Variants in METTL24 observed in about 807,000 individuals in gnomAD.
METTL24 encodes methyltransferase like 24, also known as probable methyltransferase-like protein 24.
A neutral mutation model predicts 32.7 loss-of-function variants in METTL24; 29 were observed. That is an observed-to-expected ratio of 0.89 (90% confidence interval 0.66 to 1.21). The LOEUF (loss-of-function observed/expected upper bound fraction) is 1.21, where lower values mean the gene tolerates loss of function less well. Among genes scored for constraint, METTL24 ranks in the 50% most tolerant of loss-of-function variants. The pLI is 0.00. For missense variants in METTL24, 439 were observed against 468.1 expected, an observed-to-expected ratio of 0.94 and a Z score of 0.57; for synonymous variants, 163 against 179.5, an observed-to-expected ratio of 0.91 and a Z score of 0.73.
At chr6:110,258,834 CAAAA>C (rs944172010) in intron 4 of METTL24, among the ~76,000 whole-genome samples, 2 of 149,530 alleles carry the variant, frequency 1.3e-5, no homozygotes, top group Non-Finnish European at 3.0e-5. Context: ...CAAAACAAAA[CAAAA>C]GAAAACAAAA....
chr6:110,333,158 A>C lies in METTL24; in HGVS notation c.319-10286T>G, dbSNP rs559680339. Among the ~76,000 whole-genome samples the C allele has an allele frequency of 2.0e-5, 3 of 152,294 alleles. No homozygotes were observed. The South Asian group carries it at 6.2e-4, about 32-fold the overall frequency. Reference sequence around the variant, plus strand: ...ACCAATCTGCTATGTTCATCGACTTACTTCAGTCAGTTACCCTTCCCCCAA... The same window carrying C: ...ACCAATCTGCTATGTTCATCGACTTCCTTCAGTCAGTTACCCTTCCCCCAA... On this transcript the variant is annotated intron_variant, in intron 1 of 4. Coordinates refer to ENST00000338882, the MANE Select transcript of METTL24 (RefSeq NM_001123364.3).
intron 4 of METTL24, among the ~76,000 whole-genome samples, chr6:110,274,411 G>A (rs920501933): frequency 2.6e-4 from 39 of 152,226 alleles, no homozygotes; most frequent in African/African-American, 8.2e-4. Context: ...ACTCAGGAAT[G>A]GAAAACCAAA....
Position 110,357,965 on chromosome 6 carries a change from G to C in METTL24, c.308C>G (p.Pro103Arg). The C allele has an allele frequency of 1.7e-6, 2 of 1,190,148 alleles. No homozygotes were observed. The highest frequency in any genetic ancestry group is 2.1e-6 in the Non-Finnish European group (2 of 960,186). 73.7% of individuals were successfully genotyped at this position (1,190,148 alleles called of 1,614,324 possible). A position where few individuals can be genotyped will look rare whatever the true frequency, so the allele number is the denominator to read the frequency against. The change falls in exon 1 of 5, where the codon CCC becomes CGC. Residue 103 changes from proline (P) to arginine (R), a missense_variant. Transcript: ENST00000338882. ...EPGCCAPRGR[P>R]RRKGPRWHID... ...CGCTTTGCAACTGACCTTCCGGCGG[G>C]GGCGCCCGCGCGGGGCACAGCAGCC...
intron 4 of METTL24, among the ~76,000 whole-genome samples, chr6:110,263,527 T>C (rs919863750): frequency 3.3e-5 from 5 of 152,068 alleles, no homozygotes; most frequent in African/African-American, 1.2e-4. Flanking sequence ...ATCAATATCG[T>C]GAAAATGGCC....
intron 3 of METTL24, among the ~76,000 whole-genome samples, chr6:110,308,471 T>C (rs773352469): frequency 6.6e-6 from 1 of 152,190 alleles, no homozygotes; most frequent in Non-Finnish European, 1.5e-5. Flanking sequence ...CACAGTGAGA[T>C]ACCACTTCAC....
chr6:110,342,231 T>C (rs933640990), intron 1 of METTL24, among the ~76,000 whole-genome samples: 4 of 152,212 alleles, frequency 2.6e-5, no homozygotes, highest in Admixed American at 6.5e-5. Flanking sequence ...CAAGCTCCTA[T>C]GTTTCTAATG....
intron 4 of METTL24, among the ~76,000 whole-genome samples, chr6:110,296,336 C>T (rs1033069049): frequency 4.6e-5 from 7 of 152,142 alleles, no homozygotes; most frequent in African/African-American, 1.2e-4. Flanking sequence ...AAACTGTATG[C>T]TTAGTTAACA....
intron 1 of METTL24, among the ~76,000 whole-genome samples, chr6:110,335,351 G>A (rs1398629250): frequency 4.6e-5 from 7 of 152,176 alleles, no homozygotes; most frequent in Non-Finnish European, 1.0e-4. Flanking sequence ...GAGAGTACAG[G>A]TGACAAACTG....
At chr6:110,279,343 G>A (rs999144211) in intron 4 of METTL24, among the ~76,000 whole-genome samples, 4 of 152,164 alleles carry the variant, frequency 2.6e-5, no homozygotes, top group African/African-American at 4.8e-5. Flanking sequence ...ATGATGCAAG[G>A]AACTAGCTAA....
At chr6:110,298,346 A>G (rs1351401972) in intron 4 of METTL24, among the ~76,000 whole-genome samples, 1 of 152,246 alleles carries the variant, frequency 6.6e-6, no homozygotes. Flanking sequence ...CTGTCCATTC[A>G]TAATAAAATG....
At chr6:110,268,483 C>T (rs9481050) in intron 4 of METTL24, among the ~76,000 whole-genome samples, 29,140 of 152,130 alleles carry the variant, frequency 0.19, 3,621 homozygotes, top group African/African-American at 0.36. Flanking sequence ...TGTGGAGTAG[C>T]TATTAATCTG....
intron 3 of METTL24, among the ~76,000 whole-genome samples, chr6:110,309,133 T>A (rs1224759120): frequency 2.0e-5 from 3 of 152,180 alleles, no homozygotes; most frequent in African/African-American, 4.8e-5. Flanking sequence ...AGCATTTTTT[T>A]AAAAGGTAAC....
chr6:110,295,491 G>A (rs533832606), intron 4 of METTL24, among the ~76,000 whole-genome samples: 14 of 152,324 alleles, frequency 9.2e-5, no homozygotes, highest in African/African-American at 2.6e-4. Context: ...CCCCCAGGGC[G>A]TCTGACCAGA....
At position 110,246,035 on chromosome 6, in the gene METTL24, A is replaced by C; in HGVS notation, c.1012T>G (p.Leu338Val). Residue 338 changes from leucine to valine, a missense_variant, in exon 5 of 5, where the codon TTA (leucine) becomes GTA (valine). Transcript: ENST00000338882. The stretch of plus-strand genomic sequence containing the variant: ...TTCAAGAATAGCTGAGGTTTAGATA[A>C]GTCTTTGTAACTGTGAAAAAGCCTG... ...DFRLFHSYKD[L>V]SKPQLFLKKD... is the part of the protein sequence containing the mutation. 1.2e-6 allele frequency: 2 copies of C among 1,614,214 alleles called. No individual in the cohort carries two copies. Among genetic ancestry groups the C allele is most frequent in the Non-Finnish European group, 1.7e-6 (2 of 1,180,040 alleles).
At chr6:110,324,617 T>C (rs1022169371) in intron 1 of METTL24, among the ~76,000 whole-genome samples, 1 of 152,252 alleles carries the variant, frequency 6.6e-6, no homozygotes, top group East Asian at 1.9e-4. Context: ...CCACGAATCA[T>C]GTAGCCAGTC....
At chr6:110,293,907 A>G (rs1035744595) in intron 4 of METTL24, among the ~76,000 whole-genome samples, 2 of 151,408 alleles carry the variant, frequency 1.3e-5, no homozygotes, top group African/African-American at 4.8e-5. Context: ...TTTTTTTTTA[A>G]TGGTGATGAT....
At chr6:110,262,636 G>C (rs1358039519) in intron 4 of METTL24, among the ~76,000 whole-genome samples, 3 of 152,136 alleles carry the variant, frequency 2.0e-5, no homozygotes, top group Admixed American at 6.5e-5. Context: ...GCATCATCCT[G>C]ATACCAAAGC....
chr6:110,319,577 G>C (rs1771894499), intron 2 of METTL24, among the ~76,000 whole-genome samples: 1 of 152,062 alleles, frequency 6.6e-6, no homozygotes, highest in Non-Finnish European at 1.5e-5. Context: ...CATATGGTTT[G>C]GGGGTTGCCA....
intron 4 of METTL24, among the ~76,000 whole-genome samples, chr6:110,263,156 A>G (rs1439238941): frequency 2.6e-5 from 4 of 152,212 alleles, no homozygotes; most frequent in African/African-American, 9.7e-5. Context: ...AGGGTATTCA[A>G]TTAGGAAAAG....
Sources: allele counts gnomAD v4.1 joint callset (sites outside exome capture counted in the v4.1 genomes callset), GRCh38; gene constraint gnomAD v4.1.1; transcripts MANE v1.5; gene names NCBI Gene and HGNC (gene_info 2026-07-23, HGNC 2026-07-21).